LBR: variants seen among roughly 807,000 people sequenced by gnomAD.
LBR encodes lamin B receptor, also known as delta(14)-sterol reductase LBR.
LBR carries 28 observed loss-of-function variants against 74.3 expected under a neutral mutation model. The observed-to-expected ratio is 0.38, with a 90% confidence interval of 0.28 to 0.52. The LOEUF (loss-of-function observed/expected upper bound fraction) is 0.52, where lower values mean the gene tolerates loss of function less well. LBR is among the 20% of genes least tolerant of loss of function. The pLI, the probability that LBR is intolerant of heterozygous loss-of-function variation, is 0.89. For missense variants in LBR, 717 were observed against 760.3 expected, an observed-to-expected ratio of 0.94 and a Z score of 0.67; for synonymous variants, 228 against 269.3, an observed-to-expected ratio of 0.85 and a Z score of 1.50.
In LBR at chr1:225,401,978, TC is replaced by T. The variant is rs949667425; in HGVS notation, c.*1324del. The T allele has an allele frequency of 3.3e-5, 5 of 152,204 alleles. No homozygotes were observed. The highest frequency in any genetic ancestry group is 1.2e-4 in the African/African-American group (5 of 41,448). The allele number at this position is 152,204 out of a possible 1,614,324, so 9.4% of individuals were successfully genotyped here. On this transcript the variant is annotated 3_prime_UTR_variant, in exon 14 of 14. Coordinates refer to ENST00000272163, the MANE Select transcript of LBR (RefSeq NM_002296.4). The stretch of plus-strand genomic sequence containing the variant: ...AACATACACACTATGTTTATTACAT[TC>T]CCCTACATTGAAAGTACTGAGAACA...
intron 2 of LBR, chr1:225,422,506 G>T (rs539781940): frequency 3.7e-6 from 2 of 547,354 alleles, no homozygotes; most frequent in Non-Finnish European, 6.6e-6. Context: ...TTCTTTGAAG[G>T]TATTTCCATG....
rs552470344 is a variant in LBR, at chr1:225,411,745, A to T, written c.1085-305T>A. ...ACTCCATTTTTTTTAGATAGGCGAC[A>T]TTTTTTTATATTGAAATACTTCAGG... On this transcript the variant is annotated intron_variant, in intron 8 of 13. Coordinates refer to ENST00000272163, the MANE Select transcript of LBR (RefSeq NM_002296.4). Among the ~76,000 whole-genome samples, 40 of 152,288 alleles carry T rather than the reference A, an allele frequency of 2.6e-4. No individual in the cohort carries two copies. The South Asian group carries it at 7.7e-3, about 29-fold the overall frequency.
chr1:225,422,195 C>T lies in LBR; in HGVS notation c.248G>A (p.Arg83His), dbSNP rs780648797. 76 of 1,613,772 alleles carry T rather than the reference C, an allele frequency of 4.7e-5. No individual in the cohort carries two copies. The highest frequency in any genetic ancestry group is 2.0e-4 in the Admixed American group (12 of 59,994). Reference protein sequence around the residue: ...SRRRGSRSRSRSRSPGRPPKS... With the variant: ...SRRRGSRSRSHSRSPGRPPKS... Reference sequence around the variant, plus strand: ...AGGTGGTCGACCAGGGGATCGGGAGCGTGACCTTGATCGACTCCCTCGGCG... The same window carrying T: ...AGGTGGTCGACCAGGGGATCGGGAGTGTGACCTTGATCGACTCCCTCGGCG... Residue 83 changes from arginine (R) to histidine (H), a missense_variant, in exon 3 of 14, where the codon CGC (arginine) becomes CAC (histidine). Transcript: ENST00000272163.
At chr1:225,404,325 C>T (rs994195447) in intron 13 of LBR, 79 bp downstream of exon 13, 3 of 1,597,336 alleles carry the variant, frequency 1.9e-6, no homozygotes, top group Non-Finnish European at 2.6e-6. Context: ...CTTGGCCACA[C>T]TGTCCCACAC....
rs1558650075 is a variant in LBR at position 225,406,804 on chromosome 1, A to G, written c.1343T>C (p.Ile448Thr). The change falls in exon 11 of 14, where the codon ATC (isoleucine) becomes ACC (threonine). Residue 448 changes from isoleucine to threonine, a missense_variant. Physicochemically the swap from Ile to Thr is moderately conservative, Grantham distance 89. Coordinates refer to ENST00000272163, the MANE Select transcript of LBR (RefSeq NM_002296.4). ...EEALLTTMDI[I>T]HDGFGFMLAF... ...CAGCATGAATCCAAATCCATCGTGGATGATGTCCATGGTCGTCAACAACGC... is the reference window on the plus strand; with the variant it reads ...CAGCATGAATCCAAATCCATCGTGGGTGATGTCCATGGTCGTCAACAACGC... The G allele has an allele frequency of 6.2e-7, 1 of 1,614,254 alleles. No homozygotes were observed. Among genetic ancestry groups the G allele is most frequent in the Non-Finnish European group, 8.5e-7 (1 of 1,180,036 alleles).
intron 6 of LBR, among the ~76,000 whole-genome samples, chr1:225,416,328 A>G (rs2096117112): frequency 6.6e-6 from 1 of 152,222 alleles, no homozygotes; most frequent in African/African-American, 2.4e-5. Context: ...ATGGTACCCA[A>G]TAGAACTGGC....
chr1:225,422,980 T>G (rs2096130799), intron 2 of LBR, among the ~76,000 whole-genome samples: 1 of 152,244 alleles, frequency 6.6e-6, no homozygotes, highest in Non-Finnish European at 1.5e-5. Flanking sequence ...CCTTCCATAC[T>G]GCCTGGAGCC....
chr1:225,403,993 C>T (rs539826530), intron 13 of LBR, among the ~76,000 whole-genome samples: 54 of 151,342 alleles, frequency 3.6e-4, no homozygotes, highest in African/African-American at 1.2e-3. Context: ...CCAGCTCCCA[C>T]AGCTCTCCCT....
Position 225,417,980 on chromosome 1 carries a change from G to T in LBR, c.837+4C>A. The T allele has an allele frequency of 4.3e-6, 7 of 1,612,946 alleles. No homozygotes were observed. Among genetic ancestry groups the T allele is most frequent in the Non-Finnish European group, 5.9e-6 (7 of 1,178,984 alleles). On this transcript the variant is annotated splice_donor_region_variant and intron_variant, in intron 6 of 13. Transcript: ENST00000272163. ...AAAACAAAACAGAATTACCATAAAC[G>T]TACCTTTCCAATTGGCAGTAGGTAG...
At chr1:225,419,664 CA>C (rs748082799) in intron 4 of LBR, 50 bp downstream of exon 4, 166 of 1,373,032 alleles carry the variant, frequency 1.2e-4, no homozygotes, top group Non-Finnish European at 1.5e-4. Context: ...CACTTTTAAC[CA>C]AAAAAAAGAA....
chr1:225,419,389 T>G lies in LBR; in HGVS notation c.514A>C (p.Arg172=), dbSNP rs1310264388. The change falls in exon 5 of 14, where the codon AGA becomes CGA. Residue 172 remains arginine (R), a synonymous_variant. Transcript: ENST00000272163. ...IATQYSLRPR[R]EEVKLKEIDS... ...ATTTCTTTTAATTTGACTTCTTCTC[T>G]TCTTGGACGAAGGCTATACTGTGTT... 6.2e-7 allele frequency: 1 copy of G among 1,613,714 alleles called. No individual in the cohort carries two copies.
At chr1:225,410,201 A>T in intron 10 of LBR, 90 bp downstream of exon 10, 1 of 1,592,890 alleles carries the variant, frequency 6.3e-7, no homozygotes, top group Admixed American at 1.7e-5. Context: ...TGCTCCCCTC[A>T]CTTTGTGTGC....
At chr1:225,413,513 T>C (rs2150951142) in intron 7 of LBR, among the ~76,000 whole-genome samples, 1 of 152,366 alleles carries the variant, frequency 6.6e-6, no homozygotes, top group Middle Eastern at 3.4e-3. Flanking sequence ...AGCTGTTATT[T>C]ATATGAGAAT....
chr1:225,405,419 T>C (rs1461258997), intron 11 of LBR, among the ~76,000 whole-genome samples: 1 of 152,150 alleles, frequency 6.6e-6, no homozygotes, highest in Non-Finnish European at 1.5e-5. Flanking sequence ...TGTGGAGAGG[T>C]AGCACCTTTA....
intron 7 of LBR, among the ~76,000 whole-genome samples, chr1:225,414,495 C>T (rs1302662854): frequency 6.6e-6 from 1 of 152,158 alleles, no homozygotes; most frequent in Non-Finnish European, 1.5e-5. Flanking sequence ...CTTCAAATGA[C>T]AAAGCTGGAC....
chr1:225,403,487 T>C (rs777941423), intron 13 of LBR, 24 bp from the exon 14 acceptor site: 7 of 1,550,288 alleles, frequency 4.5e-6, no homozygotes, highest in South Asian at 2.2e-5. Context: ...TAGTACACAG[T>C]ATTAGATATT....
At chr1:225,422,371 C>T in intron 2 of LBR, 94 bp from the exon 3 acceptor site, 2 of 944,054 alleles carry the variant, frequency 2.1e-6, no homozygotes, top group Non-Finnish European at 3.3e-6. Flanking sequence ...GCAGGAACTG[C>T]TACCATTAAC....
At chr1:225,428,603 T>G (rs796482600), upstream of LBR, 13 of 152,326 alleles carry the variant, frequency 8.5e-5, no homozygotes, top group African/African-American at 3.1e-4. Flanking sequence ...GGGGCGCTTT[T>G]GTGTCCGCGG....
In LBR at chr1:225,403,248, T is replaced by C; in HGVS notation, c.*55A>G. 6.4e-7 allele frequency: 1 copy of C among 1,570,960 alleles called. No individual in the cohort carries two copies. The highest frequency in any genetic ancestry group is 8.8e-7 in the Non-Finnish European group (1 of 1,140,862). On this transcript the variant is annotated 3_prime_UTR_variant, in exon 14 of 14. Transcript: ENST00000272163. Reference sequence around the variant, plus strand: ...AAAGTTTCGGATTTTTTTCCTTGTTTTTGCAAATGGCAGCTGGAATTGCAG... The same window carrying C: ...AAAGTTTCGGATTTTTTTCCTTGTTCTTGCAAATGGCAGCTGGAATTGCAG...
Sources: gnomAD v4.1 joint callset for allele counts (sites outside exome capture counted in the v4.1 genomes callset) on GRCh38, gnomAD v4.1.1 for gene constraint, MANE v1.5 for transcripts, NCBI Gene and HGNC (gene_info 2026-07-23, HGNC 2026-07-21) for gene names.